The following MTMR14 variants were observed in gnomAD, a reference collection of about 807,000 sequenced individuals.
The protein encoded by MTMR14 is phosphatidylinositol-3,5-bisphosphate 3-phosphatase MTMR14.
MTMR14 carries 48 observed loss-of-function variants against 86.3 expected under a neutral mutation model. The ratio of observed to expected loss-of-function variants is 0.56; its 90% confidence interval spans 0.44 to 0.71. The LOEUF (loss-of-function observed/expected upper bound fraction) is 0.71. MTMR14 is among the 30% of genes least tolerant of loss of function. The pLI is 0.00. For missense variants in MTMR14, 780 were observed against 834.6 expected, an observed-to-expected ratio of 0.93 and a Z score of 0.81; for synonymous variants, 366 against 326.1, an observed-to-expected ratio of 1.12 and a Z score of -1.32.
At chr3:9,653,980 T>A (rs2047457107) in intron 2 of MTMR14, 1 of 615,442 alleles carries the variant, frequency 1.6e-6, no homozygotes, top group African/African-American at 1.8e-5. Context: ...CCTTGATTGC[T>A]GTTTCACTTC....
chr3:9,650,218 T>C (rs1364577278), intron 1 of MTMR14: 6 of 426,050 alleles, frequency 1.4e-5, no homozygotes, highest in Non-Finnish European at 2.9e-5. Context: ...CTTAGGCCCA[T>C]CCCTTTCCTT....
rs781175595 is a variant in MTMR14, at chr3:9,690,004, A to C, written c.1474A>C (p.Asn492His). 1.9e-6 allele frequency: 3 copies of C among 1,611,882 alleles called. No homozygotes were observed. Among genetic ancestry groups the C allele is most frequent in the Non-Finnish European group, 2.5e-6 (3 of 1,179,878 alleles). Residue 492 changes from asparagine (N) to histidine (H), a missense_variant, in exon 17 of 19, where the codon AAC becomes CAC. Transcript: ENST00000296003. ...ATCCTCTCCACAGAGTGTCCTCTGG[A>C]ACCGGCCACAACCCTCAGAGGACCG... ...HSSSPQSVLW[N>H]RPQPSEDRLP...
intron 7 of MTMR14, among the ~76,000 whole-genome samples, chr3:9,676,550 ATT>A (rs1420622490): frequency 6.6e-6 from 1 of 152,228 alleles, no homozygotes; most frequent in South Asian, 2.1e-4. Context: ...TTTTATATGT[ATT>A]ATGTCATCCT....
intron 2 of MTMR14, among the ~76,000 whole-genome samples, chr3:9,661,434 C>T (rs1326988528): frequency 6.6e-6 from 1 of 152,216 alleles, no homozygotes; most frequent in Non-Finnish European, 1.5e-5. Flanking sequence ...AGGTGGAAGT[C>T]AGACGGTAAT....
At position 9,701,524 on chromosome 3, in the gene MTMR14, G is replaced by GAA. The variant is rs200994622; in HGVS notation, c.1770-253_1770-252dup. On this transcript the variant is annotated intron_variant, in intron 18 of 18. Transcript: ENST00000296003. This position sits in a 1 kb window ranked among gnomAD's most constrained non-coding sequence, Gnocchi z 4.2. ...GCAATAGAGTGAGACCTTGTCTCAA[G>GAA]AAAAAAAAAAAAAAGGTTAGTGTCC... 7.1e-3 allele frequency: 3,089 copies of GAA among 434,870 alleles called. No homozygotes were observed. The highest frequency in any genetic ancestry group is 0.013 in the Admixed American group (341 of 26,490). The allele number at this position is 434,870 out of a possible 1,614,324, so 26.9% of individuals were successfully genotyped here. A position where few individuals can be genotyped will look rare whatever the true frequency, so the allele number is the denominator to read the frequency against.
At chr3:9,656,577 A>T (rs1436703953) in intron 2 of MTMR14, among the ~76,000 whole-genome samples, 1 of 152,012 alleles carries the variant, frequency 6.6e-6, no homozygotes, top group Non-Finnish European at 1.5e-5. Context: ...GTGTGGCACC[A>T]CACCTGGCTA....
intron 7 of MTMR14, among the ~76,000 whole-genome samples, chr3:9,673,209 T>C (rs989251500): frequency 2.0e-5 from 3 of 152,208 alleles, no homozygotes; most frequent in Non-Finnish European, 2.9e-5. Flanking sequence ...CTTGAAGTGA[T>C]TGAGTTATTT....
In MTMR14 at chr3:9,671,143, A is replaced by G; in HGVS notation, c.650A>G (p.Glu217Gly). 6.2e-7 allele frequency: 1 copy of G among 1,614,238 alleles called. No homozygotes were observed. Among genetic ancestry groups the G allele is most frequent in the African/African-American group, 1.3e-5 (1 of 75,076 alleles). The change falls in exon 6 of 19, where the codon GAG (glutamate) becomes GGG (glycine). Residue 217 changes from glutamate (E) to glycine (G), a missense_variant. Physicochemically the swap from Glu to Gly is moderately conservative, Grantham distance 98. Coordinates refer to ENST00000296003, the MANE Select transcript of MTMR14 (RefSeq NM_001077525.3). Reference protein sequence around the residue: ...SVKYICDLMVENKKVKFGMNV... With the variant: ...SVKYICDLMVGNKKVKFGMNV... The stretch of plus-strand genomic sequence containing the variant: ...AAATACATCTGTGACCTGATGGTGG[A>G]GAACAAGAAGGTGAAGTTTGGCATG...
chr3:9,650,259 C>A, intron 1 of MTMR14: 1 of 455,016 alleles, frequency 2.2e-6, no homozygotes, highest in Non-Finnish European at 4.4e-6. Flanking sequence ...AACCCACACT[C>A]CCTTTCAGTT....
At chr3:9,656,448 A>C (rs1441923770) in intron 2 of MTMR14, among the ~76,000 whole-genome samples, 4 of 151,450 alleles carry the variant, frequency 2.6e-5, no homozygotes, top group Non-Finnish European at 5.9e-5. Flanking sequence ...TTAAGACAGA[A>C]TCTTGCTCTG....
chr3:9,660,495 A>G (rs1426611443), intron 2 of MTMR14, among the ~76,000 whole-genome samples: 2 of 152,160 alleles, frequency 1.3e-5, no homozygotes, highest in Admixed American at 6.5e-5. Flanking sequence ...TCCCAACCTC[A>G]AGTGATCTGC....
intron 11 of MTMR14, 108 bp from the exon 12 acceptor site, chr3:9,684,780 C>G: frequency 1.3e-6 from 2 of 1,543,896 alleles, no homozygotes; most frequent in South Asian, 2.2e-5. Flanking sequence ...TGTGTTTAAC[C>G]CTGTCCTTCC....
At chr3:9,668,277 C>T (rs1052580081) in intron 3 of MTMR14, among the ~76,000 whole-genome samples, 2 of 152,188 alleles carry the variant, frequency 1.3e-5, no homozygotes, top group African/African-American at 4.8e-5. Context: ...CAAATCCCAG[C>T]TCACCCCTCA....
chr3:9,685,894 C>A (rs993855537), intron 13 of MTMR14, among the ~76,000 whole-genome samples: 3 of 152,152 alleles, frequency 2.0e-5, no homozygotes, highest in Admixed American at 2.0e-4. Context: ...CCCTAGTTGG[C>A]CCCCTTACTG....
chr3:9,682,799 C>A, intron 9 of MTMR14, among the ~76,000 whole-genome samples: 1 of 152,308 alleles, frequency 6.6e-6, no homozygotes, highest in Middle Eastern at 3.4e-3. Flanking sequence ...CAGGGCTCTT[C>A]GTTTACCTTT....
chr3:9,686,526 A>G (rs1477720136), intron 13 of MTMR14, among the ~76,000 whole-genome samples: 3 of 152,216 alleles, frequency 2.0e-5, no homozygotes, highest in African/African-American at 2.4e-5. Context: ...GTCCAAAGCA[A>G]AAAACCCCAG....
At chr3:9,696,986 G>A (rs978313191) in intron 17 of MTMR14, among the ~76,000 whole-genome samples, 1 of 152,242 alleles carries the variant, frequency 6.6e-6, no homozygotes, top group African/African-American at 2.4e-5. Context: ...GGAGGTGGAA[G>A]CGGTAGATTC....
At chr3:9,690,955 A>G (rs1290897418) in intron 17 of MTMR14, among the ~76,000 whole-genome samples, 1 of 152,198 alleles carries the variant, frequency 6.6e-6, no homozygotes, top group African/African-American at 2.4e-5. Flanking sequence ...CCACATGTCC[A>G]TGTGATTTTC....
chr3:9,701,810 G>A lies in MTMR14; in HGVS notation c.1790G>A (p.Arg597Gln), dbSNP rs757795544. The change falls in exon 19 of 19, where the codon CGA (arginine) becomes CAA (glutamine). Residue 597 changes from arginine to glutamine, a missense_variant. Arg to Gln is a conservative substitution (Grantham distance 43, BLOSUM62 1). Coordinates refer to ENST00000296003, the MANE Select transcript of MTMR14 (RefSeq NM_001077525.3). This position sits in a 1 kb window ranked among gnomAD's most constrained non-coding sequence, Gnocchi z 4.2. The stretch of plus-strand genomic sequence containing the variant: ...CATAGGCTTGCAGCCCTGAGTGATC[G>A]AGAGACTCGGCTGCAGGAGGTGCGC... The part of the protein sequence containing the change: ...NSCLLAALSD[R>Q]ETRLQEVRSA... 4.7e-5 allele frequency: 76 copies of A among 1,613,720 alleles called. No individual in the cohort carries two copies. The highest frequency in any genetic ancestry group is 5.9e-5 in the Non-Finnish European group (70 of 1,180,034).
Sources: allele counts gnomAD v4.1 joint callset (sites outside exome capture counted in the v4.1 genomes callset), GRCh38; gene constraint gnomAD v4.1.1; non-coding constraint Gnocchi (gnomAD v3.1); transcripts MANE v1.5; gene names NCBI Gene and HGNC (gene_info 2026-07-23, HGNC 2026-07-21).